MBD4: variants seen among roughly 807,000 people sequenced by gnomAD.
The protein encoded by MBD4 is methyl-CpG binding domain 4, DNA glycosylase, also known as methyl-CpG-binding domain protein 4.
MBD4 carries 53 observed loss-of-function variants against 60.2 expected under a neutral mutation model. That is an observed-to-expected ratio of 0.88 (90% CI 0.71 to 1.11). The LOEUF (loss-of-function observed/expected upper bound fraction) is 1.11, where lower values mean the gene tolerates loss of function less well. MBD4 is among the 50% of genes least tolerant of loss of function. MBD4 has a pLI of 0.00. For missense variants in MBD4, 619 were observed against 674.0 expected, an observed-to-expected ratio of 0.92 and a Z score of 0.90; for synonymous variants, 231 against 229.8, an observed-to-expected ratio of 1.01 and a Z score of -0.05.
At chr3:129,432,655 C>A in intron 6 of MBD4, 49 bp from the exon 7 acceptor site, 1 of 1,568,252 alleles carries the variant, frequency 6.4e-7, no homozygotes, top group Non-Finnish European at 8.8e-7. Flanking sequence ...TAAAGACACC[C>A]TCCCAAAATG....
intron 5 of MBD4, chr3:129,433,502 A>C (rs893081819): frequency 5.5e-5 from 33 of 594,832 alleles, no homozygotes; most frequent in Non-Finnish European, 1.5e-5. Flanking sequence ...TTAAATGATC[A>C]GATCAGCAGA....
chr3:129,431,710 T>A, intron 7 of MBD4, 132 bp from the exon 8 acceptor site: 1 of 710,182 alleles, frequency 1.4e-6, no homozygotes, highest in Non-Finnish European at 2.5e-6. Flanking sequence ...AGTTATAACC[T>A]TTAACCTCCT....
intron 7 of MBD4, chr3:129,432,241 A>T: frequency 7.0e-7 from 1 of 1,437,844 alleles, no homozygotes. Context: ...ACAAATAGGG[A>T]ATGACAGGAA....
Position 129,437,182 on chromosome 3 carries a change from T to C in MBD4, c.462A>G (p.Arg154=). ...GGGCTGCCATGCTGCAGTCTTTATA[T>C]CTTGACTTGATACCCCTTTTAGAAA... The part of the protein sequence containing the change: ...TVLSKRGIKS[R]YKDCSMAALT... The change falls in exon 3 of 8, where the codon AGA becomes AGG. Residue 154 remains arginine (R), a synonymous_variant. Coordinates refer to ENST00000429544, the MANE Select transcript of MBD4 (RefSeq NM_001276270.2). The C allele has an allele frequency of 6.2e-7, 1 of 1,614,102 alleles. No individual in the cohort carries two copies. The highest frequency in any genetic ancestry group is 1.3e-5 in the African/African-American group (1 of 75,062).
rs774571074 is a variant in MBD4, at chr3:129,436,795, C to T, written c.849G>A (p.Gln283=). The change falls in exon 3 of 8, where the codon CAG becomes CAA. Residue 283 remains glutamine, a synonymous_variant. Transcript: ENST00000429544. ...CAGAAATGCAGACAGTTCTATCAAGCTGACTTTTTTGTGCAACAGGTTCAC... is the reference window on the plus strand; with the variant it reads ...CAGAAATGCAGACAGTTCTATCAAGTTGACTTTTTTGTGCAACAGGTTCAC... ...AESEPVAQKS[Q]LDRTVCISDA... The T allele has an allele frequency of 6.8e-6, 11 of 1,614,134 alleles. No individual in the cohort carries two copies. Among genetic ancestry groups the T allele is most frequent in the Admixed American group, 5.0e-5 (3 of 60,024 alleles).
At chr3:129,432,998 C>G in intron 6 of MBD4, 100 bp downstream of exon 6, 2 of 1,487,598 alleles carry the variant, frequency 1.3e-6, no homozygotes, top group African/African-American at 2.8e-5. Context: ...GCTGAAAAAC[C>G]TCCATTAATA....
Position 129,433,132 on chromosome 3 carries a change from G to A in MBD4, c.1509C>T (p.Tyr503=), listed in dbSNP as rs777551148. ...VSELLKPLGL[Y]DLRAKTIVKF... Reference sequence around the variant, plus strand: ...TGACAATGGTTTTTGCCCGAAGATCGTAGAGACCAAGAGGTTTAAGAAGTT... The same window carrying A: ...TGACAATGGTTTTTGCCCGAAGATCATAGAGACCAAGAGGTTTAAGAAGTT... Residue 503 remains tyrosine (Y), a synonymous_variant, in exon 6 of 8, where the codon TAC becomes TAT. Coordinates refer to ENST00000429544, the MANE Select transcript of MBD4 (RefSeq NM_001276270.2). The A allele has an allele frequency of 6.2e-6, 10 of 1,614,078 alleles. No individual in the cohort carries two copies. The highest frequency in any genetic ancestry group is 1.6e-4 in the Middle Eastern group (1 of 6,084).
Position 129,436,880 on chromosome 3 carries a change from G to T in MBD4, c.764C>A (p.Ser255Ter). Residue 255 changes from serine (S) to a stop codon, truncating the protein, a stop_gained, in exon 3 of 8, where the codon TCA becomes TAA. Transcript: ENST00000429544. LOFTEE classifies it high-confidence loss of function. ...TTTGCTATCACTTTGAACAAAACCT[G>T]AACAGCTCTTCCTACATCCTTTTTT... is the stretch of plus-strand genomic sequence containing the variant. ...KTKKGCRKSCSGFVQSDSKRE... is the reference protein window; with the variant it reads ...KTKKGCRKSC 8 of 1,614,082 alleles carry T rather than the reference G, an allele frequency of 5.0e-6. No homozygotes were observed. Among genetic ancestry groups the T allele is most frequent in the Non-Finnish European group, 6.8e-6 (8 of 1,179,984 alleles).
chr3:129,436,408 C>G, intron 3 of MBD4, 53 bp downstream of exon 3: 1 of 1,604,262 alleles, frequency 6.2e-7, no homozygotes, highest in Non-Finnish European at 8.5e-7. Flanking sequence ...TTTCTCATCA[C>G]ATAATGTTTA....
intron 1 of MBD4, among the ~76,000 whole-genome samples, chr3:129,439,404 G>T (rs1484570992): frequency 6.6e-6 from 1 of 151,960 alleles, no homozygotes; most frequent in African/African-American, 2.4e-5. Flanking sequence ...ATTAAATTTT[G>T]AAAAAAGTAG....
chr3:129,433,880 T>G lies in MBD4; in HGVS notation c.1363A>C (p.Ile455Leu). The G allele has an allele frequency of 6.2e-7, 1 of 1,614,184 alleles. No homozygotes were observed. Among genetic ancestry groups the G allele is most frequent in the African/African-American group, 1.3e-5 (1 of 75,062 alleles). ...GTCCGATTGAGAAATATAGTAGCGA[T>G]GAGAAGCTTCCATGGATCATGAAAA... ...TLFHDPWKLL[I>L]ATIFLNRTSG... is the part of the protein sequence containing the mutation. The change falls in exon 5 of 8, where the codon ATC becomes CTC. Residue 455 changes from isoleucine to leucine, a missense_variant. Coordinates refer to ENST00000429544, the MANE Select transcript of MBD4 (RefSeq NM_001276270.2).
Position 129,431,569 on chromosome 3 carries a change from C to T in MBD4, c.1657G>A (p.Glu553Lys). 3 of 1,610,974 alleles carry T rather than the reference C, an allele frequency of 1.9e-6. No homozygotes were observed. The change falls in exon 8 of 8, where the codon GAA becomes AAA. Residue 553 changes from glutamate to lysine, a missense_variant. Physicochemically the swap from Glu to Lys is moderately conservative, Grantham distance 56. Coordinates refer to ENST00000429544, the MANE Select transcript of MBD4 (RefSeq NM_001276270.2). ...CVNEWKQVHPEDHKLNKYHDW... is the reference protein window; with the variant it reads ...CVNEWKQVHPKDHKLNKYHDW... The stretch of plus-strand genomic sequence containing the variant: ...TGATATTTATTTAATTTGTGGTCTT[C>T]AGGGTGCACCTGGAAGAAACATAAG...
At chr3:129,434,168 C>A (rs371765304) in intron 3 of MBD4, 32 bp from the exon 4 acceptor site, 68 of 1,556,468 alleles carry the variant, frequency 4.4e-5, no homozygotes, top group Non-Finnish European at 5.8e-5. Context: ...TTTATGGAGT[C>A]TATGGTTTAG....
chr3:129,434,261 A>G (rs2072415852), intron 3 of MBD4, 125 bp from the exon 4 acceptor site: 1 of 768,776 alleles, frequency 1.3e-6, no homozygotes, highest in African/African-American at 1.7e-5. Flanking sequence ...CCCTTTACAT[A>G]AATACCCAAT....
In MBD4 at chr3:129,436,853, C is replaced by CTTT. The variant is rs748490127; in HGVS notation, c.788_790dup (p.Lys263dup). ...ATCTGCTTTATTACACACAGATTCT[C>CTTT]TTTTGCTATCACTTTGAACAAAACC... On this transcript the variant is annotated inframe_insertion, in exon 3 of 8. Transcript: ENST00000429544. 2.5e-6 allele frequency: 4 copies of CTTT among 1,614,132 alleles called. No individual in the cohort carries two copies. Among genetic ancestry groups the CTTT allele is most frequent in the Non-Finnish European group, 3.4e-6 (4 of 1,180,022 alleles).
At chr3:129,431,768 C>T (rs2072349539) in intron 7 of MBD4, among the ~76,000 whole-genome samples, 190 bp from the exon 8 acceptor site, 1 of 152,154 alleles carries the variant, frequency 6.6e-6, no homozygotes, top group Non-Finnish European at 1.5e-5. Context: ...GGTAATCTCA[C>T]ACAATTTACA....
Position 129,437,969 on chromosome 3 carries a change from A to C in MBD4, c.105-19T>G, listed in dbSNP as rs774988687. On this transcript the variant is annotated intron_variant, in intron 1 of 7. Transcript: ENST00000429544. Reference sequence around the variant, plus strand: ...TTCTTTGCTGGAAAAACAAAGTCTAAGTGATTAACTTATTTAAAATTTATC... The same window carrying C: ...TTCTTTGCTGGAAAAACAAAGTCTACGTGATTAACTTATTTAAAATTTATC... The C allele has an allele frequency of 5.5e-6, 8 of 1,444,106 alleles. No individual in the cohort carries two copies. In the Admixed American group the frequency reaches 8.4e-5, roughly 15 times the overall value. The allele number at this position is 1,444,106 out of a possible 1,614,324, so 89.5% of individuals were successfully genotyped here.
intron 7 of MBD4, 176 bp downstream of exon 7, chr3:129,432,327 C>T (rs3138360): frequency 0.05 from 75,164 of 1,509,652 alleles, 2,144 homozygotes; most frequent in Middle Eastern, 0.1. Context: ...GACTTGGGAG[C>T]GCCTACTGAT....
chr3:129,436,306 T>TA, intron 3 of MBD4, 155 bp downstream of exon 3: 1 of 807,444 alleles, frequency 1.2e-6, no homozygotes, highest in South Asian at 1.7e-5. Context: ...AGTATTAGGA[T>TA]CAACTGGTAT....
Sources: gnomAD v4.1 joint callset for allele counts (sites outside exome capture counted in the v4.1 genomes callset) on GRCh38, gnomAD v4.1.1 for gene constraint, MANE v1.5 for transcripts, NCBI Gene and HGNC (gene_info 2026-07-23, HGNC 2026-07-21) for gene names.